The following CFH variants were observed in gnomAD, a reference collection of about 807,000 sequenced individuals.
The protein encoded by CFH is complement factor H, also known as H factor 1 (complement).
In CFH, 53 loss-of-function variants were observed where a neutral mutation model predicts 147.3. The ratio of observed to expected loss-of-function variants is 0.36; its 90% CI spans 0.29 to 0.45. The LOEUF (loss-of-function observed/expected upper bound fraction) is 0.45, where lower values mean the gene tolerates loss of function less well. Ranked by LOEUF, CFH falls within the 20% of genes least tolerant of loss-of-function variation. The probability of loss-of-function intolerance (pLI) is 1.00; values close to 1 mark genes in which losing one functional copy is unlikely to be tolerated. For synonymous variants in CFH, 536 were observed against 489.4 expected, an observed-to-expected ratio of 1.10 and a Z score of -1.26; for missense variants, 1,380 against 1,498.0, an observed-to-expected ratio of 0.92 and a Z score of 1.30.
At chr1:196,728,900 T>C (rs1669214304) in intron 15 of CFH, among the ~76,000 whole-genome samples, 1 of 151,938 alleles carries the variant, frequency 6.6e-6, no homozygotes, top group Non-Finnish European at 1.5e-5. Context: ...TCTGTATGCA[T>C]GTATGTATGT....
intron 17 of CFH, among the ~76,000 whole-genome samples, chr1:196,740,104 A>T (rs141601348): frequency 2.6e-5 from 4 of 152,312 alleles, no homozygotes; most frequent in South Asian, 2.1e-4. Flanking sequence ...AATCGCCCTC[A>T]TGATTCAATT....
intron 6 of CFH, among the ~76,000 whole-genome samples, chr1:196,681,470 T>TCACACACA (rs3043111): frequency 1.9e-4 from 28 of 148,136 alleles, no homozygotes; most frequent in Middle Eastern, 3.5e-3. Flanking sequence ...ACTAATTGAT[T>TCACACACA]CACACACACA....
At chr1:196,715,840 A>G (rs1326464302) in intron 11 of CFH, 71 bp downstream of exon 11, 2 of 1,285,948 alleles carry the variant, frequency 1.6e-6, no homozygotes, top group Non-Finnish European at 2.2e-6. Flanking sequence ...TAAAAATTTG[A>G]ATTATATAGA....
chr1:196,700,963 AGAGGTCTTGTGGCCTCTTT>A (rs1384932447), intron 9 of CFH: 2 of 669,090 alleles, frequency 3.0e-6, no homozygotes, highest in Admixed American at 6.3e-5. Flanking sequence ...TTTTCGTCTT[AGAGGTCTTGTGGCCTCTTT>A]GAGGTCTTGT....
Position 196,698,006 on chromosome 1 carries a change from G to A in CFH, c.1336+7767G>A, listed in dbSNP as rs531349706. Among the ~76,000 whole-genome samples the A allele has an allele frequency of 1.7e-4, 22 of 126,048 alleles. No homozygotes were observed. In the South Asian group the frequency reaches 7.0e-3, roughly 40 times the overall value. The allele number at this position is 126,048 out of a possible 152,430, so 82.7% of individuals were successfully genotyped here. ...ACATCACACACCGGGGCCTGTTGTG[G>A]GGTGGGGGGAGGGGGGAGGGATAGC... On this transcript the variant is annotated intron_variant, in intron 9 of 21. Coordinates refer to ENST00000367429, the MANE Select transcript of CFH (RefSeq NM_000186.4).
chr1:196,660,755 A>G (rs1666870645), intron 1 of CFH, among the ~76,000 whole-genome samples: 1 of 152,220 alleles, frequency 6.6e-6, no homozygotes, highest in Admixed American at 6.5e-5. Context: ...TCACAGAGTA[A>G]ATATTGTGAG....
chr1:196,670,533 G>A (rs1268479259), intron 1 of CFH, among the ~76,000 whole-genome samples: 2 of 152,112 alleles, frequency 1.3e-5, no homozygotes, highest in Non-Finnish European at 2.9e-5. Flanking sequence ...TAAGCATCTG[G>A]CATTTCCCCT....
chr1:196,673,633 G>A (rs961573925), intron 2 of CFH, among the ~76,000 whole-genome samples: 6 of 152,070 alleles, frequency 3.9e-5, no homozygotes, highest in African/African-American at 1.4e-4. Flanking sequence ...ACCGTGCCCA[G>A]CCAATACATC....
intron 1 of CFH, among the ~76,000 whole-genome samples, chr1:196,666,648 A>G (rs1449640293): frequency 2.0e-5 from 3 of 151,380 alleles, no homozygotes; most frequent in Non-Finnish European, 2.9e-5. Context: ...AATACAAGAA[A>G]AAAAAACCCA....
At position 196,708,218 on chromosome 1, in the gene CFH, T is replaced by C. The variant is rs939184350; in HGVS notation, c.1337-5517T>C. On this transcript the variant is annotated intron_variant, in intron 9 of 21. Coordinates refer to ENST00000367429, the MANE Select transcript of CFH (RefSeq NM_000186.4). ...CACTGGAAGAAACTTACCAGAATGA[T>C]GGATCTGTCAGTAACTCCCCCAAAC... Among the ~76,000 whole-genome samples, 5 of 152,214 alleles carry C rather than the reference T, an allele frequency of 3.3e-5. No individual in the cohort carries two copies. In the East Asian group the frequency reaches 7.7e-4, roughly 23 times the overall value.
chr1:196,685,268 T>C, intron 7 of CFH, 31 bp downstream of exon 7: 1 of 1,609,712 alleles, frequency 6.2e-7, no homozygotes, highest in Non-Finnish European at 8.5e-7. Context: ...GACCCATTTC[T>C]TAATTCTGAA....
At chr1:196,737,969 T>G (rs1652637108) in intron 17 of CFH, among the ~76,000 whole-genome samples, 1 of 152,116 alleles carries the variant, frequency 6.6e-6, no homozygotes, top group South Asian at 2.1e-4. Context: ...AAAAAAAGGT[T>G]TAATTGGCTC....
intron 9 of CFH, among the ~76,000 whole-genome samples, chr1:196,697,904 AC>A (rs1405776650): frequency 6.6e-6 from 1 of 151,092 alleles, no homozygotes; most frequent in African/African-American, 2.4e-5. Context: ...TATGGCAATG[AC>A]AAAAAACCAA....
At chr1:196,729,423 A>G (rs1467654504) in intron 15 of CFH, among the ~76,000 whole-genome samples, 1 of 151,946 alleles carries the variant, frequency 6.6e-6, no homozygotes, top group Non-Finnish European at 1.5e-5. Flanking sequence ...AACGACCTTT[A>G]CATTTCTTGG....
chr1:196,698,967 A>C (rs1376175222), intron 9 of CFH, among the ~76,000 whole-genome samples: 4 of 152,182 alleles, frequency 2.6e-5, no homozygotes, highest in African/African-American at 4.8e-5. Flanking sequence ...TAATTAACTC[A>C]ATAGATGCAG....
At chr1:196,708,191 G>T (rs941016317) in intron 9 of CFH, among the ~76,000 whole-genome samples, 3 of 152,138 alleles carry the variant, frequency 2.0e-5, no homozygotes, top group Non-Finnish European at 4.4e-5. Context: ...TCAAGGTATT[G>T]CCACTGGAAG....
chr1:196,719,399 AGGAGAG>A (rs1668946267), intron 11 of CFH, among the ~76,000 whole-genome samples: 1 of 151,994 alleles, frequency 6.6e-6, no homozygotes, highest in Non-Finnish European at 1.5e-5. Context: ...ATAGACTTTT[AGGAGAG>A]AAATCCCAGT....
chr1:196,684,065 C>A (rs1437701082), intron 6 of CFH, among the ~76,000 whole-genome samples: 4 of 151,720 alleles, frequency 2.6e-5, no homozygotes, highest in African/African-American at 9.7e-5. Flanking sequence ...ACGAATTTTG[C>A]AAATGGATCC....
chr1:196,747,266 A>G lies in CFH; in HGVS notation c.3649A>G (p.Thr1217Ala). 6.2e-7 allele frequency: 1 copy of G among 1,614,088 alleles called. No individual in the cohort carries two copies. The highest frequency in any genetic ancestry group is 8.5e-7 in the Non-Finnish European group (1 of 1,179,952). The change falls in exon 22 of 22, where the codon ACA (threonine) becomes GCA (alanine). Residue 1217 changes from threonine to alanine, a missense_variant. Thr to Ala is a moderately conservative substitution (Grantham distance 58, BLOSUM62 0). This residue lies in a region of CFH where 123 missense variants were observed against 185.3 expected (regional missense o/e 0.66). Transcript: ENST00000367429. ...ATCACGTTCTCACACATTGCGAACAACATGTTGGGATGGGAAACTGGAGTA... is the reference window on the plus strand; with the variant it reads ...ATCACGTTCTCACACATTGCGAACAGCATGTTGGGATGGGAAACTGGAGTA... Reference protein sequence around the residue: ...LSSRSHTLRTTCWDGKLEYPT... With the variant: ...LSSRSHTLRTACWDGKLEYPT...
Sources: allele counts gnomAD v4.1 joint callset (sites outside exome capture counted in the v4.1 genomes callset), GRCh38; gene constraint gnomAD v4.1.1; regional missense constraint gnomAD v4.1.1; transcripts MANE v1.5; gene names NCBI Gene and HGNC (gene_info 2026-07-23, HGNC 2026-07-21).